TMEM87B: variants seen among roughly 807,000 people sequenced by gnomAD.
TMEM87B encodes transmembrane protein 87B.
Under a neutral mutation model 80.3 loss-of-function variants are expected in TMEM87B, and 83 were observed. The observed-to-expected ratio is 1.03, with a 90% CI of 0.87 to 1.24. TMEM87B has a LOEUF of 1.24. Ranked by LOEUF, TMEM87B falls within the 50% of genes most tolerant of loss-of-function variation. The pLI is 0.00. For missense variants in TMEM87B, 625 were observed against 674.4 expected, an observed-to-expected ratio of 0.93 and a Z score of 0.81; for synonymous variants, 219 against 230.5, an observed-to-expected ratio of 0.95 and a Z score of 0.45.
At chr2:112,076,033 C>T (rs901337779) in intron 5 of TMEM87B, among the ~76,000 whole-genome samples, 2 of 152,116 alleles carry the variant, frequency 1.3e-5, no homozygotes, top group Non-Finnish European at 2.9e-5. Context: ...AGCTTATGTA[C>T]TTAATCTGAG....
chr2:112,105,896 C>G, intron 15 of TMEM87B, 106 bp from the exon 16 acceptor site: 1 of 725,018 alleles, frequency 1.4e-6, no homozygotes, highest in Non-Finnish European at 2.0e-6. Context: ...ATTATTAACC[C>G]TCCATTTCTA....
Position 112,055,530 on chromosome 2 carries a change from T to G in TMEM87B, c.-62T>G. On this transcript the variant is annotated 5_prime_UTR_variant, in exon 1 of 19. Coordinates refer to ENST00000283206, the MANE Select transcript of TMEM87B (RefSeq NM_032824.3). ...ATTCGGACCCGCCTGCCTGGGGCGG[T>G]GCTGCACCAGGTGCGGGTGTGGCAG... The G allele has an allele frequency of 6.9e-7, 1 of 1,439,594 alleles. No individual in the cohort carries two copies. The highest frequency in any genetic ancestry group is 9.1e-7 in the Non-Finnish European group (1 of 1,099,326). 89.2% of individuals were successfully genotyped at this position (1,439,594 alleles called of 1,614,324 possible).
chr2:112,096,630 A>G (rs1483583073), intron 11 of TMEM87B, among the ~76,000 whole-genome samples: 4 of 152,264 alleles, frequency 2.6e-5, no homozygotes, highest in Non-Finnish European at 4.4e-5. Flanking sequence ...TAAAATGAGA[A>G]TAGACTGGAA....
Position 112,118,409 on chromosome 2 carries a change from A to T in TMEM87B, c.*2266A>T, listed in dbSNP as rs1022744412. 6.6e-6 allele frequency: 1 copy of T among 152,170 alleles called. No homozygotes were observed. The highest frequency in any genetic ancestry group is 2.4e-5 in the African/African-American group (1 of 41,438). The allele number at this position is 152,170 out of a possible 1,614,324, so 9.4% of individuals were successfully genotyped here. On this transcript the variant is annotated 3_prime_UTR_variant, in exon 19 of 19. Transcript: ENST00000283206. ...ATCAGTTTACTTTTAGCATGCCCCC[A>T]TCAGGGTGGGTCTCACTGTTAGTGA...
chr2:112,101,306 G>A (rs1340323671), intron 15 of TMEM87B, among the ~76,000 whole-genome samples: 6 of 151,572 alleles, frequency 4.0e-5, no homozygotes, highest in Non-Finnish European at 5.9e-5. Context: ...CTAATACATC[G>A]ATGAAATAGA....
At chr2:112,085,180 G>A (rs1442227741) in intron 8 of TMEM87B, among the ~76,000 whole-genome samples, 1 of 152,192 alleles carries the variant, frequency 6.6e-6, no homozygotes, top group African/African-American at 2.4e-5. Flanking sequence ...CATGACAGGG[G>A]CTCCAAACTG....
intron 9 of TMEM87B, among the ~76,000 whole-genome samples, chr2:112,088,576 C>T (rs183977115): frequency 1.3e-5 from 2 of 151,720 alleles, no homozygotes; most frequent in East Asian, 3.9e-4. Context: ...TTTTTTAAAC[C>T]AGTTTTTTTC....
intron 8 of TMEM87B, among the ~76,000 whole-genome samples, chr2:112,084,349 C>G (rs1189374049): frequency 6.6e-6 from 1 of 152,202 alleles, no homozygotes; most frequent in African/African-American, 2.4e-5. Context: ...GTGGAACTCT[C>G]TATCCTGAGC....
Position 112,089,686 on chromosome 2 carries a change from G to C in TMEM87B, c.1000G>C (p.Ala334Pro). 1 of 1,614,128 alleles carries C rather than the reference G, an allele frequency of 6.2e-7. No homozygotes were observed. The highest frequency in any genetic ancestry group is 1.1e-5 in the South Asian group (1 of 91,080). ...IGLGLLYLIF[A>P]AVEGVMRVIG... is the part of the protein sequence containing the mutation. ...ACTGGGGCTTCTATACTTAATCTTT[G>C]CAGCTGTTGAAGGCGTGATGAGAGT... The change falls in exon 10 of 19, where the codon GCA (alanine) becomes CCA (proline). Residue 334 changes from alanine to proline, a missense_variant. By Grantham distance (27) the Ala-to-Pro change is conservative. Transcript: ENST00000283206.
chr2:112,066,798 G>A, intron 3 of TMEM87B, 138 bp from the exon 4 acceptor site: 2 of 745,614 alleles, frequency 2.7e-6, no homozygotes, highest in Non-Finnish European at 4.1e-6. Context: ...GTTTTTATTT[G>A]GTATTTTATT....
chr2:112,109,880 C>T (rs1331033294), intron 17 of TMEM87B, among the ~76,000 whole-genome samples: 1 of 151,162 alleles, frequency 6.6e-6, no homozygotes, highest in Admixed American at 6.6e-5. Flanking sequence ...GATTCTTCTG[C>T]CTCAGCCTCC....
intron 4 of TMEM87B, among the ~76,000 whole-genome samples, chr2:112,068,404 C>T (rs1255178015): frequency 6.6e-6 from 1 of 152,136 alleles, no homozygotes. Context: ...TCAGTGTACT[C>T]CTCAATGAAT....
chr2:112,113,137 A>G (rs1381215302), intron 18 of TMEM87B, among the ~76,000 whole-genome samples: 2 of 152,228 alleles, frequency 1.3e-5, no homozygotes, highest in African/African-American at 4.8e-5. Context: ...ACTTACTGGT[A>G]TGAAGGAAAT....
Position 112,116,090 on chromosome 2 carries a change from A to G in TMEM87B, c.1615A>G (p.Met539Val), listed in dbSNP as rs771497448. ...CTTCTTTTTTTTTCTTCAGGAAATC[A>G]TGACCAGATCTGAAATGGCTGAAAA... The part of the protein sequence containing the change: ...PVLVDSDEEI[M>V]TRSEMAEKMF... Residue 539 changes from methionine to valine, a missense_variant, in exon 19 of 19, where the codon ATG becomes GTG. Transcript: ENST00000283206. 2 of 1,612,434 alleles carry G rather than the reference A, an allele frequency of 1.2e-6. No homozygotes were observed. Among genetic ancestry groups the G allele is most frequent in the African/African-American group, 1.3e-5 (1 of 75,002 alleles).
intron 1 of TMEM87B, among the ~76,000 whole-genome samples, chr2:112,056,001 C>T (rs1347105140): frequency 1.3e-5 from 2 of 152,194 alleles, no homozygotes; most frequent in East Asian, 3.9e-4. Context: ...GGTCCGAGCG[C>T]TCGGACTGTT....
chr2:112,097,233 C>CTTCTATAGTGTTTATAGTG lies in TMEM87B; in HGVS notation c.1229_1230insAGTGTTCTATAGTGTTTAT (p.Met410IlefsTer12). On this transcript the variant is annotated frameshift_variant and splice_region_variant, in exon 13 of 19. Transcript: ENST00000283206. LOFTEE classifies it high-confidence loss of function. ...AAAGGTGACTTTTTGTGTGTTTCAG[C>CTTCTATAGTGTTTATAGTG]TTCTATAGTGTTTATGGGGTGGACA... is the stretch of plus-strand genomic sequence containing the variant. 6.2e-7 allele frequency: 1 copy of CTTCTATAGTGTTTATAGTG among 1,608,796 alleles called. No homozygotes were observed. The highest frequency in any genetic ancestry group is 8.5e-7 in the Non-Finnish European group (1 of 1,178,728).
chr2:112,089,639 C>T lies in TMEM87B; in HGVS notation c.953C>T (p.Thr318Ile), dbSNP rs1320952249. The T allele has an allele frequency of 1.2e-5, 19 of 1,613,946 alleles. No individual in the cohort carries two copies. The highest frequency in any genetic ancestry group is 1.6e-5 in the Non-Finnish European group (19 of 1,179,946). ...CCTGATTCCAGGCCTCGTTTAGGAA[C>T]AGTCATGCACCGGGTGATCGGACTG... ...GYGIVKPRLG[T>I]VMHRVIGLGL... The change falls in exon 10 of 19, where the codon ACA becomes ATA. Residue 318 changes from threonine (T) to isoleucine (I), a missense_variant. Coordinates refer to ENST00000283206, the MANE Select transcript of TMEM87B (RefSeq NM_032824.3).
At chr2:112,102,030 A>C (rs1573723738) in intron 15 of TMEM87B, among the ~76,000 whole-genome samples, 1 of 152,216 alleles carries the variant, frequency 6.6e-6, no homozygotes, top group South Asian at 2.1e-4. Context: ...AAATCTTCCT[A>C]TGAAGTACCA....
chr2:112,074,060 G>T (rs531542042), intron 4 of TMEM87B, among the ~76,000 whole-genome samples: 13 of 152,274 alleles, frequency 8.5e-5, no homozygotes, highest in African/African-American at 3.1e-4. Context: ...TTGACATTCT[G>T]TGCCTTTTAA....
Sources: allele counts gnomAD v4.1 joint callset (sites outside exome capture counted in the v4.1 genomes callset), GRCh38; gene constraint gnomAD v4.1.1; transcripts MANE v1.5; gene names NCBI Gene and HGNC (gene_info 2026-07-23, HGNC 2026-07-21).